Variants in IGSF21 observed in about 807,000 individuals in gnomAD.
The protein encoded by IGSF21 is immunoglobulin superfamily member 21.
A neutral mutation model predicts 46.8 loss-of-function variants in IGSF21; 28 were observed. The ratio of observed to expected loss-of-function variants is 0.60; its 90% CI spans 0.44 to 0.82. IGSF21 has a LOEUF of 0.82. Ranked by LOEUF, IGSF21 falls within the 40% of genes least tolerant of loss-of-function variation. IGSF21 has a pLI of 0.00. For missense variants in IGSF21, 624 were observed against 665.5 expected, an observed-to-expected ratio of 0.94 and a Z score of 0.69; for synonymous variants, 284 against 273.6, an observed-to-expected ratio of 1.04 and a Z score of -0.38.
chr1:18,369,165 G>A (rs570681519), intron 6 of IGSF21, among the ~76,000 whole-genome samples: 88 of 152,326 alleles, frequency 5.8e-4, no homozygotes, highest in Non-Finnish European at 1.1e-3. Flanking sequence ...AATTGGGTGG[G>A]TGAGTAAAGA....
intron 6 of IGSF21, among the ~76,000 whole-genome samples, chr1:18,371,362 G>T (rs11804217): frequency 6.6e-6 from 1 of 152,026 alleles, no homozygotes; most frequent in East Asian, 1.9e-4. Context: ...ACTTGCAGCC[G>T]GGAGTTTGAG....
intron 2 of IGSF21, among the ~76,000 whole-genome samples, chr1:18,240,145 G>T (rs2084712828): frequency 6.6e-6 from 1 of 152,148 alleles, no homozygotes; most frequent in Non-Finnish European, 1.5e-5. Flanking sequence ...CAGGCATGGT[G>T]GTGCTTACAC....
At chr1:18,338,385 C>A (rs968931975) in intron 4 of IGSF21, among the ~76,000 whole-genome samples, 1 of 152,176 alleles carries the variant, frequency 6.6e-6, no homozygotes, top group Non-Finnish European at 1.5e-5. Context: ...GAGCAGAGGT[C>A]ACTGAACATT....
At chr1:18,200,801 C>T (rs12240238) in intron 1 of IGSF21, among the ~76,000 whole-genome samples, 3,389 of 152,248 alleles carry the variant, frequency 0.022, 55 homozygotes, top group African/African-American at 0.041. Flanking sequence ...CCGGGATCCA[C>T]GTTGCCCTTG....
intron 1 of IGSF21, among the ~76,000 whole-genome samples, chr1:18,187,610 C>G (rs2086916248): frequency 6.6e-6 from 1 of 152,184 alleles, no homozygotes; most frequent in South Asian, 2.1e-4. Flanking sequence ...GACCCTCCCA[C>G]AACACATAGG....
At chr1:18,255,510 T>C (rs1255305500) in intron 2 of IGSF21, among the ~76,000 whole-genome samples, 1 of 151,508 alleles carries the variant, frequency 6.6e-6, no homozygotes, top group Non-Finnish European at 1.5e-5. Flanking sequence ...AACTTCCTCA[T>C]TCCCTCACTT....
intron 1 of IGSF21, among the ~76,000 whole-genome samples, chr1:18,154,604 G>C (rs1201143859): frequency 6.7e-6 from 1 of 149,870 alleles, no homozygotes; most frequent in African/African-American, 2.4e-5. Flanking sequence ...GCAGGGCTGG[G>C]TGAGGAGGCC....
At chr1:18,259,824 C>T (rs954305901) in intron 2 of IGSF21, among the ~76,000 whole-genome samples, 3 of 152,118 alleles carry the variant, frequency 2.0e-5, no homozygotes, top group Admixed American at 1.3e-4. Flanking sequence ...TAGGCAATGG[C>T]GGGCTTGGGA....
chr1:18,160,050 C>T (rs549079136), intron 1 of IGSF21, among the ~76,000 whole-genome samples: 15 of 152,264 alleles, frequency 9.9e-5, no homozygotes, highest in African/African-American at 2.6e-4. Context: ...CAAATCTTGA[C>T]GTGGTCCAGG....
At chr1:18,208,923 C>T (rs1037502988) in intron 1 of IGSF21, among the ~76,000 whole-genome samples, 3 of 152,060 alleles carry the variant, frequency 2.0e-5, no homozygotes, top group Non-Finnish European at 2.9e-5. Flanking sequence ...TGCAAAGGGG[C>T]ACATACTGCA....
chr1:18,275,033 A>G (rs1461574522), intron 2 of IGSF21, among the ~76,000 whole-genome samples: 5 of 140,986 alleles, frequency 3.5e-5, no homozygotes, highest in African/African-American at 1.4e-4. Context: ...AAAAAACAAA[A>G]ACAAACAAAC....
chr1:18,319,302 T>A (rs2124592326), intron 3 of IGSF21, among the ~76,000 whole-genome samples: 1 of 152,370 alleles, frequency 6.6e-6, no homozygotes, highest in Non-Finnish European at 1.5e-5. Context: ...CCCCCTCCTA[T>A]AAGAACCCTT....
At chr1:18,170,154 G>A (rs1003429410) in intron 1 of IGSF21, among the ~76,000 whole-genome samples, 13 of 152,212 alleles carry the variant, frequency 8.5e-5, no homozygotes, top group African/African-American at 3.1e-4. Flanking sequence ...CATGGGCAAA[G>A]GCATCACTGG....
At chr1:18,148,915 C>A (rs1212492793) in intron 1 of IGSF21, among the ~76,000 whole-genome samples, 1 of 152,244 alleles carries the variant, frequency 6.6e-6, no homozygotes, top group Non-Finnish European at 1.5e-5. Flanking sequence ...CCTGCACACA[C>A]AAGTTAGTGT....
At chr1:18,314,895 C>T (rs911817886) in intron 3 of IGSF21, among the ~76,000 whole-genome samples, 4 of 152,098 alleles carry the variant, frequency 2.6e-5, no homozygotes, top group African/African-American at 9.7e-5. Context: ...GATGGGGACT[C>T]TTGCTGGGGG....
chr1:18,340,248 C>T (rs763742474), intron 4 of IGSF21, among the ~76,000 whole-genome samples: 10 of 151,790 alleles, frequency 6.6e-5, no homozygotes, highest in Non-Finnish European at 1.5e-4. Context: ...AAAAACTGGT[C>T]CTCACAGACA....
intron 2 of IGSF21, among the ~76,000 whole-genome samples, chr1:18,235,419 G>T (rs76554150): frequency 6.6e-6 from 1 of 152,166 alleles, no homozygotes; most frequent in South Asian, 2.1e-4. Flanking sequence ...AATGATAAGC[G>T]CAGTGCATAT....
At chr1:18,352,779 C>T (rs2085971110) in intron 4 of IGSF21, among the ~76,000 whole-genome samples, 1 of 152,222 alleles carries the variant, frequency 6.6e-6, no homozygotes, top group Non-Finnish European at 1.5e-5. Context: ...TCTACCACTG[C>T]GAAAGCACAA....
chr1:18,119,684 C>A (rs1350385653), intron 1 of IGSF21, among the ~76,000 whole-genome samples: 2 of 152,244 alleles, frequency 1.3e-5, no homozygotes, highest in Middle Eastern at 3.4e-3. Flanking sequence ...ATGCTGATTT[C>A]TTTCCAACAT....
Sources: allele counts gnomAD v4.1 joint callset (sites outside exome capture counted in the v4.1 genomes callset), GRCh38; gene constraint gnomAD v4.1.1; transcripts MANE v1.5; gene names NCBI Gene and HGNC (gene_info 2026-07-23, HGNC 2026-07-21).